The following RBFOX1 variants were observed in gnomAD, a reference collection of about 807,000 sequenced individuals.
RBFOX1 encodes the protein RNA binding protein fox-1 homolog 1.
A neutral mutation model predicts 57.7 loss-of-function variants in RBFOX1; 8 were observed. The ratio of observed to expected loss-of-function variants is 0.14; its 90% CI spans 0.08 to 0.25. The LOEUF is 0.25. RBFOX1 is among the 10% of genes least tolerant of loss of function. The pLI is 1.00. For missense variants in RBFOX1, 611 were observed against 548.5 expected, an observed-to-expected ratio of 1.11 and a Z score of -1.14; for synonymous variants, 326 against 222.4, an observed-to-expected ratio of 1.47 and a Z score of -4.15.
chr16:6,527,595 T>C (rs1237479803), intron 2 of RBFOX1, among the ~76,000 whole-genome samples: 1 of 152,204 alleles, frequency 6.6e-6, no homozygotes, highest in African/African-American at 2.4e-5. Flanking sequence ...CTCTAAATTG[T>C]AATTGCATGC....
rs1270091250 is a variant in RBFOX1 at position 5,538,463 on chromosome 16, G to A, written c.259-60439G>A. Among the ~76,000 whole-genome samples the A allele has an allele frequency of 6.4e-4, 98 of 152,190 alleles. 1 individual carries two copies. Among genetic ancestry groups the A allele is most frequent in the Non-Finnish European group, 1.3e-4 (9 of 68,020 alleles). On this transcript the variant is annotated intron_variant, in intron 2 of 2. Transcript: ENST00000585867. ...AAGGCTTTTAGACGAAAAATGAGGA[G>A]GATTACATGTTTCAAGGATCAATAA...
chr16:6,628,145 G>C (rs115172698), intron 2 of RBFOX1, among the ~76,000 whole-genome samples: 1 of 152,174 alleles, frequency 6.6e-6, no homozygotes, highest in Non-Finnish European at 1.5e-5. Flanking sequence ...TGTGATACTG[G>C]TATGGCGTTA....
chr16:5,462,661 A>G (rs2068828414), intron 1 of RBFOX1, among the ~76,000 whole-genome samples: 1 of 152,180 alleles, frequency 6.6e-6, no homozygotes, highest in African/African-American at 2.4e-5. Flanking sequence ...AAATAAATAC[A>G]TTATGATGCA....
At chr16:7,469,970 C>CGTCTTCAAG (rs932669491) in intron 4 of RBFOX1, among the ~76,000 whole-genome samples, 3 of 151,082 alleles carry the variant, frequency 2.0e-5, no homozygotes, top group African/African-American at 7.3e-5. Context: ...CTTAGCATAA[C>CGTCTTCAAG]GTCTTCAAGG....
At chr16:6,380,066 G>A (rs749536758) in intron 2 of RBFOX1, among the ~76,000 whole-genome samples, 1 of 152,146 alleles carries the variant, frequency 6.6e-6, no homozygotes, top group Non-Finnish European at 1.5e-5. Flanking sequence ...GCTTTATGGC[G>A]GGGATTTGAA....
At chr16:7,300,546 A>T (rs2096007154) in intron 4 of RBFOX1, among the ~76,000 whole-genome samples, 1 of 152,214 alleles carries the variant, frequency 6.6e-6, no homozygotes, top group Non-Finnish European at 1.5e-5. Flanking sequence ...ATTACATTGA[A>T]GTTCAAGTCC....
chr16:5,728,816 C>A (rs927764842), intron 3 of RBFOX1, among the ~76,000 whole-genome samples: 3 of 152,150 alleles, frequency 2.0e-5, no homozygotes, highest in Non-Finnish European at 4.4e-5. Context: ...TTCTTCCCTC[C>A]CCACCTCCAG....
At chr16:7,072,193 A>G (rs780965662) in intron 4 of RBFOX1, among the ~76,000 whole-genome samples, 1 of 152,298 alleles carries the variant, frequency 6.6e-6, no homozygotes, top group Non-Finnish European at 1.5e-5. Flanking sequence ...CTTTCCCCAG[A>G]AAGTCCTGGT....
intron 4 of RBFOX1, among the ~76,000 whole-genome samples, chr16:7,432,782 C>T (rs2098692460): frequency 6.6e-6 from 1 of 152,196 alleles, no homozygotes; most frequent in Non-Finnish European, 1.5e-5. Context: ...GAATCTCCCC[C>T]AAGCATTCTG....
chr16:7,698,789 C>T lies in RBFOX1; in HGVS notation c.996-10267C>T, dbSNP rs74447917. On this transcript the variant is annotated intron_variant, in intron 14 of 15. Transcript: ENST00000550418. The stretch of plus-strand genomic sequence containing the variant: ...CTAAGGGGCCATATAAGCAAAGGAA[C>T]TTAGGAAACATACTCCCACTTATTG... Among the ~76,000 whole-genome samples, 386 of 152,198 alleles carry T rather than the reference C, an allele frequency of 2.5e-3. 3 individuals carry two copies. The highest frequency in any genetic ancestry group is 8.3e-3 in the African/African-American group (346 of 41,526).
At chr16:7,146,715 G>C (rs1251960429) in intron 4 of RBFOX1, among the ~76,000 whole-genome samples, 3 of 151,904 alleles carry the variant, frequency 2.0e-5, no homozygotes, top group South Asian at 2.1e-4. Context: ...TTGCGAGGCT[G>C]AGGCAGACAG....
intron 3 of RBFOX1, among the ~76,000 whole-genome samples, chr16:6,716,856 A>C (rs1369587121): frequency 6.6e-6 from 1 of 152,168 alleles, no homozygotes; most frequent in Non-Finnish European, 1.5e-5. Flanking sequence ...AATAAACTGA[A>C]TGTTTGTATC....
intron 12 of RBFOX1, among the ~76,000 whole-genome samples, chr16:7,663,726 G>A (rs17135054): frequency 0.029 from 4,444 of 152,216 alleles, 93 homozygotes; most frequent in African/African-American, 0.057. Flanking sequence ...TATCGGGGAA[G>A]ATTGTAAATA....
intron 4 of RBFOX1, among the ~76,000 whole-genome samples, chr16:7,162,886 C>T (rs968714731): frequency 5.3e-5 from 8 of 152,162 alleles, no homozygotes; most frequent in Admixed American, 6.5e-5. Flanking sequence ...TTCCCTGGTC[C>T]TCCTTCCAAA....
rs143669117 is a variant in RBFOX1 at position 6,702,371 on chromosome 16, T to C, written c.-16+47721T>C. Among the ~76,000 whole-genome samples the C allele has an allele frequency of 7.2e-5, 11 of 152,244 alleles. No homozygotes were observed. In the East Asian group the frequency reaches 1.9e-3, roughly 27 times the overall value. On this transcript the variant is annotated intron_variant, in intron 3 of 15. Coordinates refer to ENST00000550418, the MANE Select transcript of RBFOX1 (RefSeq NM_018723.4). ...GAGTTCAAGACCAGACTGGCCAACATGGTGAAACTCCATCTCTACTAAAAA... is the reference window on the plus strand; with the variant it reads ...GAGTTCAAGACCAGACTGGCCAACACGGTGAAACTCCATCTCTACTAAAAA...
intron 4 of RBFOX1, among the ~76,000 whole-genome samples, chr16:7,115,348 T>C (rs1395930170): frequency 2.0e-5 from 3 of 152,168 alleles, no homozygotes; most frequent in Non-Finnish European, 4.4e-5. Flanking sequence ...GAATAAGAAA[T>C]ATGAAAGTCC....
intron 4 of RBFOX1, among the ~76,000 whole-genome samples, chr16:7,160,530 T>G (rs913656405): frequency 2.8e-4 from 42 of 152,316 alleles, no homozygotes; most frequent in African/African-American, 9.6e-4. Context: ...TTTTTTTATT[T>G]GTGTCATTAA....
intron 1 of RBFOX1, among the ~76,000 whole-genome samples, chr16:6,239,153 G>C (rs537950173): frequency 3.9e-5 from 6 of 152,044 alleles, no homozygotes; most frequent in African/African-American, 1.4e-4. Context: ...CCATCATGTC[G>C]CTTATTCAAT....
chr16:7,609,369 T>C (rs1194005724), intron 10 of RBFOX1, among the ~76,000 whole-genome samples: 1 of 152,152 alleles, frequency 6.6e-6, no homozygotes, highest in Non-Finnish European at 1.5e-5. Flanking sequence ...ATATCCCCGT[T>C]ACTTGTGCTT....
Sources: gnomAD v4.1 joint callset for allele counts (sites outside exome capture counted in the v4.1 genomes callset) on GRCh38, gnomAD v4.1.1 for gene constraint, MANE v1.5 for transcripts, NCBI Gene and HGNC (gene_info 2026-07-23, HGNC 2026-07-21) for gene names.